Variants in BBX observed in about 807,000 individuals in gnomAD.
BBX encodes BBX high mobility group box domain containing, also known as HMG box transcription factor BBX.
In BBX, 30 loss-of-function variants were observed where a neutral mutation model predicts 100.2. The ratio of observed to expected loss-of-function variants is 0.30; its 90% confidence interval spans 0.22 to 0.41. The LOEUF (loss-of-function observed/expected upper bound fraction) is 0.41, where lower values mean the gene tolerates loss of function less well. Ranked by LOEUF, BBX falls within the 10% of genes least tolerant of loss-of-function variation. BBX has a pLI of 1.00. For missense variants in BBX, 1,023 were observed against 1,129.8 expected (o/e 0.91, Z 1.35); for synonymous variants, 376 against 388.1 (o/e 0.97, Z 0.37).
chr3:107,571,301 G>A (rs2051340473), intron 2 of BBX, among the ~76,000 whole-genome samples: 1 of 152,166 alleles, frequency 6.6e-6, no homozygotes, highest in Non-Finnish European at 1.5e-5. Context: ...GACCAAGGCA[G>A]GCATCCCCAC....
At chr3:107,673,595 AAAT>A (rs2059132525) in intron 3 of BBX, among the ~76,000 whole-genome samples, 1 of 152,162 alleles carries the variant, frequency 6.6e-6, no homozygotes, top group Non-Finnish European at 1.5e-5. Flanking sequence ...CAAAGAATGA[AAAT>A]AATACTGATT....
intron 2 of BBX, among the ~76,000 whole-genome samples, chr3:107,610,354 T>A (rs2054751879): frequency 6.6e-6 from 1 of 152,154 alleles, no homozygotes; most frequent in South Asian, 2.1e-4. Flanking sequence ...AAGTGTTCTG[T>A]GTATATCCAT....
chr3:107,778,639 A>G, intron 13 of BBX, 120 bp downstream of exon 13: 1 of 1,127,606 alleles, frequency 8.9e-7, no homozygotes, highest in Admixed American at 2.7e-5. Context: ...AGGGAGTTAG[A>G]ATCTTAGGTT....
chr3:107,615,768 A>G (rs192368830), intron 2 of BBX, among the ~76,000 whole-genome samples: 39 of 152,306 alleles, frequency 2.6e-4, no homozygotes, highest in African/African-American at 8.9e-4. Flanking sequence ...CTAGATTGAG[A>G]TATTCATTTA....
chr3:107,526,459 C>A, intron 2 of BBX, 61 bp downstream of exon 2: 2 of 397,988 alleles, frequency 5.0e-6, no homozygotes, highest in Non-Finnish European at 8.9e-6. Flanking sequence ...ACATAAGGGT[C>A]TTTATTGTTC....
intron 10 of BBX, among the ~76,000 whole-genome samples, chr3:107,759,627 A>G (rs1437065379): frequency 6.6e-6 from 1 of 152,194 alleles, no homozygotes; most frequent in Non-Finnish European, 1.5e-5. Context: ...TAACAAGTAG[A>G]GCAACTTGTT....
At chr3:107,769,203 TAGATAGATAGATAGATAGATAGATAGAC>T (rs1462066645) in intron 10 of BBX, among the ~76,000 whole-genome samples, 20 of 136,660 alleles carry the variant, frequency 1.5e-4, no homozygotes, top group East Asian at 4.4e-4. Flanking sequence ...GATAGATAGA[TAGATAGATAGATAGATAGATAGATAGAC>T]AGATAGATAG....
At chr3:107,628,005 A>T (rs2056308314) in intron 2 of BBX, among the ~76,000 whole-genome samples, 1 of 152,076 alleles carries the variant, frequency 6.6e-6, no homozygotes, top group African/African-American at 2.4e-5. Context: ...GAGTCTGATT[A>T]CATCTGGTTA....
chr3:107,726,358 A>G (rs143318669), intron 5 of BBX, among the ~76,000 whole-genome samples: 1 of 151,950 alleles, frequency 6.6e-6, no homozygotes, highest in East Asian at 1.9e-4. Flanking sequence ...GTGTTTTTAC[A>G]TGAATTGATG....
chr3:107,794,260 G>T (rs2069371445), intron 15 of BBX, among the ~76,000 whole-genome samples: 1 of 151,956 alleles, frequency 6.6e-6, no homozygotes, highest in Middle Eastern at 3.2e-3. Flanking sequence ...ATTAAGGAGG[G>T]TTTATCAGCC....
chr3:107,555,409 A>G (rs669706), intron 2 of BBX, among the ~76,000 whole-genome samples: 15,257 of 152,262 alleles, frequency 0.1, 894 homozygotes, highest in Non-Finnish European at 0.12. Flanking sequence ...TAATTCACCA[A>G]TTGGGTCATT....
At chr3:107,656,503 G>T (rs547572421) in intron 3 of BBX, among the ~76,000 whole-genome samples, 345 of 152,134 alleles carry the variant, frequency 2.3e-3, no homozygotes, top group Non-Finnish European at 4.4e-3. Flanking sequence ...AACCACCATG[G>T]ATTTTATAGA....
At chr3:107,557,441 T>A (rs941249972) in intron 2 of BBX, among the ~76,000 whole-genome samples, 6 of 152,224 alleles carry the variant, frequency 3.9e-5, no homozygotes, top group Non-Finnish European at 8.8e-5. Context: ...AAATTCCTGT[T>A]TCTCTAATTG....
chr3:107,662,794 T>A (rs1231348644), intron 3 of BBX: 1 of 152,154 alleles, frequency 6.6e-6, no homozygotes, highest in East Asian at 1.9e-4. Flanking sequence ...CGTTGGGCAA[T>A]CTACTTCACA....
chr3:107,556,664 A>T (rs541214399), intron 2 of BBX, among the ~76,000 whole-genome samples: 3 of 152,220 alleles, frequency 2.0e-5, no homozygotes, highest in Admixed American at 1.3e-4. Flanking sequence ...CAGGTTACCC[A>T]TTATAAATTT....
chr3:107,545,497 G>A (rs954487102), intron 2 of BBX, among the ~76,000 whole-genome samples: 3 of 152,182 alleles, frequency 2.0e-5, no homozygotes, highest in Non-Finnish European at 1.5e-5. Context: ...TAGCAGATCA[G>A]TACCTTATGT....
rs952221796 is a variant in BBX, at chr3:107,696,011, A to G, written c.-9-14441A>G. Among the ~76,000 whole-genome samples the G allele has an allele frequency of 2.0e-5, 3 of 151,712 alleles. 1 individual carries two copies. Among genetic ancestry groups the G allele is most frequent in the African/African-American group, 7.3e-5 (3 of 41,018 alleles). Reference sequence around the variant, plus strand: ...AAAGTCTGTTTTATCAGAGACTAGGATTGCAACCCCTGCCTTTTTTTGTCT... The same window carrying G: ...AAAGTCTGTTTTATCAGAGACTAGGGTTGCAACCCCTGCCTTTTTTTGTCT... On this transcript the variant is annotated intron_variant, in intron 3 of 17. Coordinates refer to ENST00000325805, the MANE Select transcript of BBX (RefSeq NM_001142568.3).
rs1460063844 is a variant in BBX at position 107,772,909 on chromosome 3, G to T, written c.1188G>T (p.Glu396Asp). ...MEDPKEIRKE[E>D]LEEDHKCSHF... is the part of the protein sequence containing the mutation. ...ATCCCAAAGAAATTAGAAAGGAAGA[G>T]TTAGAAGAAGATCACAAATGTAGTC... The change falls in exon 11 of 18, where the codon GAG becomes GAT. Residue 396 changes from glutamate (E) to aspartate (D), a missense_variant. Physicochemically the swap from Glu to Asp is conservative, Grantham distance 45 (BLOSUM62 2). Transcript: ENST00000325805. The T allele has an allele frequency of 1.2e-6, 2 of 1,609,046 alleles. No individual in the cohort carries two copies. Among genetic ancestry groups the T allele is most frequent in the South Asian group, 1.1e-5 (1 of 89,998 alleles).
intron 2 of BBX, among the ~76,000 whole-genome samples, chr3:107,591,730 C>T (rs2053330428): frequency 6.6e-6 from 1 of 152,154 alleles, no homozygotes; most frequent in African/African-American, 2.4e-5. Flanking sequence ...TTAAGCAGTC[C>T]TCCCACCTTG....
Sources: gnomAD v4.1 joint callset for allele counts (sites outside exome capture counted in the v4.1 genomes callset) on GRCh38, gnomAD v4.1.1 for gene constraint, MANE v1.5 for transcripts, NCBI Gene and HGNC (gene_info 2026-07-23, HGNC 2026-07-21) for gene names.